The following PCDH15 variants were observed in gnomAD, a reference collection of about 807,000 sequenced individuals.
The protein encoded by PCDH15 is protocadherin related 15, also known as protocadherin-15.
Under a neutral mutation model 178.5 loss-of-function variants are expected in PCDH15, and 129 were observed. The observed-to-expected ratio is 0.72, with a 90% confidence interval of 0.63 to 0.84. The LOEUF is 0.84. Ranked by LOEUF, PCDH15 falls within the 40% of genes least tolerant of loss-of-function variation. The pLI, the probability that PCDH15 is intolerant of heterozygous loss-of-function variation, is 0.00. For synonymous variants in PCDH15, 800 were observed against 732.0 expected (o/e 1.09, Z -1.50); for missense variants, 2,230 against 2,099.9 (o/e 1.06, Z -1.21).
rs1193615621 is a variant in PCDH15, at chr10:54,020,435, T to G, written c.2527-19A>C. The stretch of plus-strand genomic sequence containing the variant: ...CTTTGGCCTGTAATAAGCAGAAGAA[T>G]AGTTTTATTAGTGACGTTACCAAAA... On this transcript the variant is annotated intron_variant, in intron 19 of 37. Coordinates refer to ENST00000644397, the MANE Select transcript of PCDH15 (RefSeq NM_001384140.1). 1.2e-6 allele frequency: 2 copies of G among 1,607,000 alleles called. No individual in the cohort carries two copies. The highest frequency in any genetic ancestry group is 2.2e-5 in the South Asian group (2 of 90,962).
chr10:54,237,238 G>C (rs1056196280), intron 8 of PCDH15, among the ~76,000 whole-genome samples: 1 of 152,046 alleles, frequency 6.6e-6, no homozygotes, highest in African/African-American at 2.4e-5. Context: ...TTTCACAAAA[G>C]AAATAGCAGC....
intron 1 of PCDH15, among the ~76,000 whole-genome samples, chr10:55,300,741 A>T (rs550086834): frequency 6.6e-6 from 1 of 152,306 alleles, no homozygotes; most frequent in East Asian, 1.9e-4. Flanking sequence ...CTGAACACTG[A>T]TTAGAGCCAG....
At chr10:55,502,655 G>A (rs1319544794) in intron 2 of PCDH15, among the ~76,000 whole-genome samples, 1 of 151,594 alleles carries the variant, frequency 6.6e-6, no homozygotes, top group Non-Finnish European at 1.5e-5. Flanking sequence ...GTGAAATAAT[G>A]CCTGGACTCT....
chr10:54,708,674 T>C lies in PCDH15; in HGVS notation c.-28-44384A>G, dbSNP rs567062222. The stretch of plus-strand genomic sequence containing the variant: ...CTCAGCTTTTATTTTACTTAATCTA[T>C]AGTGTTGGCCTCCTCTTAGGCCTAA... On this transcript the variant is annotated intron_variant, in intron 1 of 37. Coordinates refer to ENST00000644397, the MANE Select transcript of PCDH15 (RefSeq NM_001384140.1). Among the ~76,000 whole-genome samples the C allele has an allele frequency of 8.5e-5, 13 of 152,236 alleles. No homozygotes were observed. In the East Asian group the frequency reaches 2.1e-3, roughly 25 times the overall value.
rs938196149 is a variant in PCDH15, at chr10:53,804,544, CACA to C, written c.*2032_*2034del. ...CTGAAAGAAAAAAATGTGAGAAAGG[CACA>C]ACAACAGAATAAGTTAAATGTCACA... On this transcript the variant is annotated 3_prime_UTR_variant, in exon 38 of 38. Coordinates refer to ENST00000644397, the MANE Select transcript of PCDH15 (RefSeq NM_001384140.1). 5.3e-5 allele frequency: 8 copies of C among 151,750 alleles called. No homozygotes were observed. The highest frequency in any genetic ancestry group is 4.1e-4 in the South Asian group (2 of 4,826). 9.4% of individuals were successfully genotyped at this position (151,750 alleles called of 1,614,324 possible).
At chr10:55,232,967 C>T (rs573367319) in intron 1 of PCDH15, among the ~76,000 whole-genome samples, 2 of 152,070 alleles carry the variant, frequency 1.3e-5, no homozygotes, top group African/African-American at 2.4e-5. Context: ...CTGAAGTAAA[C>T]TATGAGATAG....
At chr10:53,852,185 G>C (rs1024934844) in intron 28 of PCDH15, among the ~76,000 whole-genome samples, 3 of 151,982 alleles carry the variant, frequency 2.0e-5, no homozygotes, top group Non-Finnish European at 4.4e-5. Flanking sequence ...ACATTTCATA[G>C]TTTCTTCTTT....
intron 2 of PCDH15, among the ~76,000 whole-genome samples, chr10:55,592,524 C>T (rs1451679908): frequency 6.6e-6 from 1 of 152,102 alleles, no homozygotes; most frequent in African/African-American, 2.4e-5. Context: ...GGAATGATAC[C>T]AGGGTCCCTT....
chr10:54,142,695 T>C (rs2043523994), intron 14 of PCDH15, among the ~76,000 whole-genome samples: 1 of 152,170 alleles, frequency 6.6e-6, no homozygotes, highest in South Asian at 2.1e-4. Flanking sequence ...TAGATAGATT[T>C]GTTTATAAGG....
intron 3 of PCDH15, among the ~76,000 whole-genome samples, chr10:54,831,318 A>C (rs1953224360): frequency 1.3e-5 from 2 of 152,136 alleles, no homozygotes; most frequent in Admixed American, 1.3e-4. Flanking sequence ...GAAAAAACTT[A>C]TTGTCAACAT....
chr10:54,162,756 C>T (rs985295488), intron 13 of PCDH15, among the ~76,000 whole-genome samples: 8 of 152,186 alleles, frequency 5.3e-5, no homozygotes, highest in South Asian at 2.1e-4. Context: ...GGGCCTTTTT[C>T]GTTGGTTATA....
At chr10:53,864,472 C>T (rs1323067402) in intron 27 of PCDH15, among the ~76,000 whole-genome samples, 1 of 152,312 alleles carries the variant, frequency 6.6e-6, no homozygotes, top group East Asian at 1.9e-4. Flanking sequence ...TGGCTGTGGG[C>T]CAAGCAGGGG....
At chr10:55,411,994 A>G (rs923668528) in intron 2 of PCDH15, among the ~76,000 whole-genome samples, 3 of 152,118 alleles carry the variant, frequency 2.0e-5, no homozygotes, top group Admixed American at 2.0e-4. Context: ...CTATTTAGAA[A>G]TATAGAAAAC....
intron 5 of PCDH15, 79 bp from the exon 6 acceptor site, chr10:54,346,563 C>T: frequency 1.3e-6 from 2 of 1,535,766 alleles, no homozygotes; most frequent in African/African-American, 2.7e-5. Flanking sequence ...TAAAAATCAG[C>T]TCTTTATTAC....
chr10:53,903,214 G>A, intron 26 of PCDH15, 29 bp downstream of exon 26: 2 of 1,610,408 alleles, frequency 1.2e-6, no homozygotes, highest in Non-Finnish European at 1.7e-6. Flanking sequence ...TTTTACTTTA[G>A]TTCTGTATAT....
intron 3 of PCDH15, among the ~76,000 whole-genome samples, chr10:54,426,620 T>C (rs995664): frequency 0.2 from 30,730 of 152,128 alleles, 3,812 homozygotes; most frequent in African/African-American, 0.35. Context: ...CTTTCAGATC[T>C]GCTGTTTGTC....
At chr10:55,050,463 G>A (rs1841131261) in intron 2 of PCDH15, among the ~76,000 whole-genome samples, 1 of 151,878 alleles carries the variant, frequency 6.6e-6, no homozygotes. Flanking sequence ...CTATGAGCTT[G>A]TGTCCTATGA....
At chr10:53,991,948 G>A (rs943045675) in intron 21 of PCDH15, among the ~76,000 whole-genome samples, 42 of 152,090 alleles carry the variant, frequency 2.8e-4, no homozygotes, top group Non-Finnish European at 2.1e-4. Flanking sequence ...GCCAGCAGCC[G>A]CAACCCGCTC....
intron 2 of PCDH15, among the ~76,000 whole-genome samples, chr10:55,386,168 A>T (rs1837654606): frequency 6.6e-6 from 1 of 152,016 alleles, no homozygotes; most frequent in Non-Finnish European, 1.5e-5. Flanking sequence ...CTCAAAGGGA[A>T]ATTTTGTTTT....
Sources: allele counts gnomAD v4.1 joint callset (sites outside exome capture counted in the v4.1 genomes callset), GRCh38; gene constraint gnomAD v4.1.1; transcripts MANE v1.5; gene names NCBI Gene and HGNC (gene_info 2026-07-23, HGNC 2026-07-21).